The following KANSL1 variants were observed in gnomAD, a reference collection of about 807,000 sequenced individuals.
KANSL1 encodes MLL1/MLL complex subunit KANSL1.
A neutral mutation model predicts 103.6 loss-of-function variants in KANSL1; 22 were observed. The ratio of observed to expected loss-of-function variants is 0.21; its 90% CI spans 0.15 to 0.30. The LOEUF is 0.30. Ranked by LOEUF, KANSL1 falls within the 10% of genes least tolerant of loss-of-function variation. The pLI, the probability that KANSL1 is intolerant of heterozygous loss-of-function variation, is 1.00. For synonymous variants in KANSL1, 600 were observed against 527.6 expected (o/e 1.14, Z -1.88); for missense variants, 1,337 against 1,399.8 (o/e 0.96, Z 0.72).
chr17:46,196,280 A>T (rs1432682114), upstream of KANSL1: 1 of 446,044 alleles, frequency 2.2e-6, no homozygotes, highest in African/African-American at 2.0e-5. Flanking sequence ...CATATTTCAA[A>T]TCACTCTTGG....
intron 1 of KANSL1, among the ~76,000 whole-genome samples, chr17:46,200,761 ATT>A (rs1275552687): frequency 6.7e-6 from 1 of 148,912 alleles, no homozygotes; most frequent in Non-Finnish European, 1.5e-5. Flanking sequence ...ATATATATAT[ATT>A]TTTCTTTTTA....
chr17:46,099,790 G>C (rs1207997020), intron 2 of KANSL1, among the ~76,000 whole-genome samples: 1 of 152,226 alleles, frequency 6.6e-6, no homozygotes, highest in Non-Finnish European at 1.5e-5. Flanking sequence ...GTTATCACCT[G>C]AGTGGGAATT....
Position 46,031,527 on chromosome 17 carries a change from CTT to C in KANSL1, c.3265_3266del (p.Lys1089GlufsTer28). On this transcript the variant is annotated frameshift_variant, in exon 15 of 15. Coordinates refer to ENST00000432791, the MANE Select transcript of KANSL1 (RefSeq NM_015443.4). LOFTEE classifies it high-confidence loss of function. ...APTSPPIVPL[K>X]SRHLVAAATA... ...TGGCTGCTGCCACCAGATGCCGACT[CTT>C]GAGGGGGACAATGGGAGGCGAGGTG... 1.9e-6 allele frequency: 3 copies of C among 1,614,004 alleles called. No homozygotes were observed. The highest frequency in any genetic ancestry group is 2.5e-6 in the Non-Finnish European group (3 of 1,179,970).
intron 1 of KANSL1, among the ~76,000 whole-genome samples, chr17:46,173,536 G>A (rs1196340674): frequency 1.3e-5 from 2 of 152,224 alleles, no homozygotes; most frequent in Non-Finnish European, 2.9e-5. Flanking sequence ...GTGGTCTCTG[G>A]ACTTCTGGGG....
chr17:46,160,838 A>G (rs1567748515), intron 2 of KANSL1, among the ~76,000 whole-genome samples: 1 of 152,196 alleles, frequency 6.6e-6, no homozygotes, highest in Admixed American at 6.5e-5. Flanking sequence ...TGTTTACACT[A>G]AAAAAGCTAG....
chr17:46,196,308 T>G (rs899594298), upstream of KANSL1: 8 of 454,842 alleles, frequency 1.8e-5, no homozygotes, highest in Non-Finnish European at 3.5e-5. Flanking sequence ...ATGTTGACTC[T>G]CCAATATCCA....
chr17:46,138,816 C>T (rs761314002), intron 2 of KANSL1, among the ~76,000 whole-genome samples: 7 of 152,214 alleles, frequency 4.6e-5, no homozygotes, highest in Non-Finnish European at 1.0e-4. Context: ...AAAGGATCAT[C>T]ACTGTAACCC....
intron 1 of KANSL1, among the ~76,000 whole-genome samples, chr17:46,178,824 T>G (rs1245169010): frequency 6.6e-6 from 1 of 152,176 alleles, no homozygotes; most frequent in Non-Finnish European, 1.5e-5. Context: ...TCTATTAATA[T>G]CAAGCAGAAA....
At chr17:46,046,823 C>G (rs1303536404) in intron 7 of KANSL1, among the ~76,000 whole-genome samples, 4 of 103,346 alleles carry the variant, frequency 3.9e-5, no homozygotes, top group Non-Finnish European at 5.9e-5. Context: ...GGTGACAGAG[C>G]AAAACTGTCT....
chr17:46,158,661 G>A (rs1290796641), intron 2 of KANSL1, among the ~76,000 whole-genome samples: 2 of 152,108 alleles, frequency 1.3e-5, no homozygotes, highest in African/African-American at 2.4e-5. Flanking sequence ...CTGCCTCAGC[G>A]TCCCGAGTAG....
chr17:46,215,895 G>A (rs1469074167), intron 1 of KANSL1, among the ~76,000 whole-genome samples: 1 of 151,938 alleles, frequency 6.6e-6, no homozygotes. Context: ...ACAAAAACTG[G>A]CCGGACGTGG....
intron 3 of KANSL1, 148 bp downstream of exon 3, chr17:46,094,407 CTTAAA>C (rs2079534574): frequency 3.1e-6 from 3 of 958,978 alleles, no homozygotes; most frequent in Non-Finnish European, 3.0e-6. Flanking sequence ...ACATCAGGTT[CTTAAA>C]TTAAACCACT....
chr17:46,117,821 A>C (rs543317632), intron 2 of KANSL1, among the ~76,000 whole-genome samples: 14 of 152,234 alleles, frequency 9.2e-5, no homozygotes, highest in Non-Finnish European at 1.9e-4. Flanking sequence ...AAAAGACACA[A>C]AGATTTACAG....
chr17:46,078,072 T>C (rs867007120), intron 4 of KANSL1, among the ~76,000 whole-genome samples: 1 of 152,200 alleles, frequency 6.6e-6, no homozygotes, highest in Non-Finnish European at 1.5e-5. Context: ...CTAAAGAGTG[T>C]TGATTTTTGT....
chr17:46,040,020 T>A, intron 7 of KANSL1, 136 bp from the exon 8 acceptor site: 1 of 718,100 alleles, frequency 1.4e-6, no homozygotes, highest in Non-Finnish European at 2.4e-6. Context: ...ATGGAAGATC[T>A]GTTTACGTGA....
intron 2 of KANSL1, among the ~76,000 whole-genome samples, chr17:46,105,145 T>C (rs118079864): frequency 5.4e-3 from 826 of 152,224 alleles, no homozygotes; most frequent in Non-Finnish European, 9.0e-3. Flanking sequence ...AAGACTGTTA[T>C]GTTTCAAGAA....
intron 12 of KANSL1, 41 bp downstream of exon 12, chr17:46,033,362 T>C (rs2077063567): frequency 1.3e-6 from 2 of 1,583,286 alleles, no homozygotes; most frequent in East Asian, 4.5e-5. Context: ...TGTGTGCATG[T>C]GTACACACGT....
At chr17:46,059,059 AAAG>A (rs201194882) in intron 6 of KANSL1, among the ~76,000 whole-genome samples, 20,632 of 147,020 alleles carry the variant, frequency 0.14, 1,981 homozygotes, top group Non-Finnish European at 0.21. Flanking sequence ...AAAAAAAAAA[AAAG>A]AAAGAAAGAA....
intron 1 of KANSL1, among the ~76,000 whole-genome samples, chr17:46,209,184 C>CA (rs901012066): frequency 1.8e-3 from 260 of 143,278 alleles, no homozygotes; most frequent in African/African-American, 6.3e-3. Context: ...AACTCCATCT[C>CA]AAAAAAAAAA....
Sources: gnomAD v4.1 joint callset for allele counts (sites outside exome capture counted in the v4.1 genomes callset) on GRCh38, gnomAD v4.1.1 for gene constraint, MANE v1.5 for transcripts, NCBI Gene and HGNC (gene_info 2026-07-23, HGNC 2026-07-21) for gene names.